Variants in KALRN observed in about 807,000 individuals in gnomAD.
KALRN encodes the protein kalirin.
Under a neutral mutation model 353.7 loss-of-function variants are expected in KALRN, and 70 were observed. The ratio of observed to expected loss-of-function variants is 0.20; its 90% CI spans 0.16 to 0.24. The LOEUF (loss-of-function observed/expected upper bound fraction) is 0.24, where lower values mean the gene tolerates loss of function less well. Among genes scored for constraint, KALRN ranks in the 10% least tolerant of loss-of-function variants. The pLI is 1.00. For missense variants in KALRN, 2,791 were observed against 3,756.7 expected (o/e 0.74, Z 6.72); for synonymous variants, 1,391 against 1,434.8 (o/e 0.97, Z 0.69).
intron 33 of KALRN, chr3:124,518,923 C>G (rs952131634): frequency 4.0e-6 from 4 of 1,001,866 alleles, no homozygotes; most frequent in Middle Eastern, 5.1e-4. Flanking sequence ...CTGGAAAAAC[C>G]CATCATTCTA....
chr3:124,583,292 G>A (rs886948898), intron 34 of KALRN, among the ~76,000 whole-genome samples: 6 of 152,088 alleles, frequency 3.9e-5, no homozygotes, highest in Non-Finnish European at 5.9e-5. Flanking sequence ...AGTGTTGTGT[G>A]TTTCCAGCAG....
At chr3:124,336,935 C>CTAT (rs1420231735) in intron 9 of KALRN, among the ~76,000 whole-genome samples, 1 of 152,028 alleles carries the variant, frequency 6.6e-6, no homozygotes, top group Non-Finnish European at 1.5e-5. Context: ...ATTTGGCTCT[C>CTAT]TATTATTGGT....
rs984731003 is a variant in KALRN at position 124,513,845 on chromosome 3, C to T, written c.4935+17432C>T. 1.1e-4 allele frequency among the ~76,000 whole-genome samples: 17 copies of T among 152,130 alleles called. No individual in the cohort carries two copies. The South Asian group carries it at 1.9e-3, about 17-fold the overall frequency. Reference sequence around the variant, plus strand: ...GGTGGGCATACCTCCGCACCACCTACGAGGCCTTCCTGCTCATCGCTGACC... The same window carrying T: ...GGTGGGCATACCTCCGCACCACCTATGAGGCCTTCCTGCTCATCGCTGACC... On this transcript the variant is annotated intron_variant, in intron 33 of 59. Transcript: ENST00000682506.
At chr3:124,118,904 G>A (rs1378940518) in intron 1 of KALRN, among the ~76,000 whole-genome samples, 2 of 152,202 alleles carry the variant, frequency 1.3e-5, no homozygotes, top group Non-Finnish European at 2.9e-5. Flanking sequence ...CAAGTAGGAC[G>A]TGGCCAGATA....
intron 47 of KALRN, among the ~76,000 whole-genome samples, chr3:124,670,370 G>C (rs1171615393): frequency 6.6e-6 from 1 of 152,176 alleles, no homozygotes; most frequent in Admixed American, 6.5e-5. Context: ...TACTGAACTA[G>C]GTTATCATCT....
intron 34 of KALRN, among the ~76,000 whole-genome samples, chr3:124,619,350 G>A (rs990001110): frequency 5.3e-5 from 8 of 151,816 alleles, no homozygotes; most frequent in African/African-American, 1.9e-4. Context: ...GCTGTATCTT[G>A]GTTACTGTGC....
At position 124,673,208 on chromosome 3, in the gene KALRN, G is replaced by A. The variant is rs146163899; in HGVS notation, c.6943-1156G>A. Among the ~76,000 whole-genome samples, 405 of 145,286 alleles carry A rather than the reference G, an allele frequency of 2.8e-3. 1 individual carries two copies. Among genetic ancestry groups the A allele is most frequent in the African/African-American group, 0.01 (385 of 38,008 alleles). On this transcript the variant is annotated intron_variant, in intron 48 of 59. Coordinates refer to ENST00000682506, the MANE Select transcript of KALRN (RefSeq NM_001388419.1). ...AAGACCAGCCTGGGCAACATAGCAA[G>A]AACTCATCTCTAATAAAACTTTAAA...
intron 25 of KALRN, among the ~76,000 whole-genome samples, chr3:124,473,856 G>C (rs2061182189): frequency 6.6e-6 from 1 of 152,136 alleles, no homozygotes; most frequent in African/African-American, 2.4e-5. Context: ...TTCCACTTCT[G>C]TCACTATGTG....
chr3:124,685,169 G>A (rs749529330), intron 51 of KALRN, among the ~76,000 whole-genome samples: 35 of 152,052 alleles, frequency 2.3e-4, no homozygotes, highest in Non-Finnish European at 1.3e-4. Flanking sequence ...CATTCCTGTC[G>A]TTTTATTTTT....
At chr3:124,330,276 AC>A (rs2080398236) in intron 8 of KALRN, among the ~76,000 whole-genome samples, 2 of 150,090 alleles carry the variant, frequency 1.3e-5, no homozygotes, top group African/African-American at 5.0e-5. Context: ...ACACACACAC[AC>A]ACACACACAC....
At chr3:124,417,339 G>A (rs549599250) in intron 14 of KALRN, among the ~76,000 whole-genome samples, 13 of 152,118 alleles carry the variant, frequency 8.5e-5, no homozygotes, top group Admixed American at 7.2e-4. Context: ...CTCACTTTCC[G>A]TAATTCAGCC....
chr3:124,513,771 T>C lies in KALRN; in HGVS notation c.4935+17358T>C, dbSNP rs558093790. On this transcript the variant is annotated intron_variant, in intron 33 of 59. Coordinates refer to ENST00000682506, the MANE Select transcript of KALRN (RefSeq NM_001388419.1). ...TGTTGCTGGCTGTGGCTGATGTCTTTGCACTGGGGTGGGTGTGGCCAGCCT... is the reference window on the plus strand; with the variant it reads ...TGTTGCTGGCTGTGGCTGATGTCTTCGCACTGGGGTGGGTGTGGCCAGCCT... 3.3e-5 allele frequency among the ~76,000 whole-genome samples: 5 copies of C among 152,252 alleles called. No homozygotes were observed. The South Asian group carries it at 6.2e-4, about 19-fold the overall frequency.
chr3:124,716,885 A>C (rs1450794371), intron 58 of KALRN, among the ~76,000 whole-genome samples: 3 of 152,234 alleles, frequency 2.0e-5, no homozygotes, highest in Non-Finnish European at 4.4e-5. Context: ...GGTTATGGTT[A>C]ATCAGGATAT....
chr3:124,518,514 T>C (rs772018251), intron 33 of KALRN: 3 of 1,612,990 alleles, frequency 1.9e-6, no homozygotes, highest in Admixed American at 1.7e-5. Flanking sequence ...CGTGGCACCG[T>C]TGGGACCTCC....
chr3:124,539,930 G>T (rs914809522), intron 33 of KALRN, among the ~76,000 whole-genome samples: 6 of 150,700 alleles, frequency 4.0e-5, no homozygotes, highest in African/African-American at 1.5e-4. Flanking sequence ...TTTGGGGGGG[G>T]GGACAGGGTC....
chr3:124,645,663 C>CGTGT (rs71625766), intron 37 of KALRN, among the ~76,000 whole-genome samples: 34,429 of 147,848 alleles, frequency 0.23, 4,268 homozygotes, highest in East Asian at 0.47. Flanking sequence ...TCTCTCTGTG[C>CGTGT]GTGTGTGTGT....
intron 10 of KALRN, among the ~76,000 whole-genome samples, chr3:124,359,908 T>C (rs1337242674): frequency 1.3e-5 from 2 of 152,354 alleles, no homozygotes; most frequent in African/African-American, 4.8e-5. Flanking sequence ...AGTAGGCCTG[T>C]GCTTTGAGAT....
At chr3:124,395,638 A>G (rs552261892) in intron 12 of KALRN, 15 of 383,414 alleles carry the variant, frequency 3.9e-5, no homozygotes, top group African/African-American at 2.9e-4. Context: ...ACAAAAGTAA[A>G]AAATAATTAA....
At chr3:124,387,727 G>T (rs969456952) in intron 11 of KALRN, among the ~76,000 whole-genome samples, 4 of 152,106 alleles carry the variant, frequency 2.6e-5, no homozygotes, top group Admixed American at 2.6e-4. Context: ...GAGCAGCCCT[G>T]CCTGTATACA....
Sources: gnomAD v4.1 joint callset for allele counts (sites outside exome capture counted in the v4.1 genomes callset) on GRCh38, gnomAD v4.1.1 for gene constraint, MANE v1.5 for transcripts, NCBI Gene and HGNC (gene_info 2026-07-23, HGNC 2026-07-21) for gene names.